Variants in ALS2CL observed in about 807,000 individuals in gnomAD.
ALS2CL encodes ALS2 C-terminal like, also known as ALS2 C-terminal-like protein.
ALS2CL carries 112 observed loss-of-function variants against 127.9 expected under a neutral mutation model. The ratio of observed to expected loss-of-function variants is 0.88; its 90% CI spans 0.75 to 1.02. The LOEUF is 1.02. Among genes scored for constraint, ALS2CL ranks in the 50% least tolerant of loss-of-function variants. ALS2CL has a pLI of 0.00. For synonymous variants in ALS2CL, 519 were observed against 527.6 expected (o/e 0.98, Z 0.22); for missense variants, 1,174 against 1,236.7 (o/e 0.95, Z 0.76).
chr3:46,669,572 C>G lies in ALS2CL; in HGVS notation c.*1412G>C, dbSNP rs1324797339. 1.3e-5 allele frequency: 2 copies of G among 152,276 alleles called. No homozygotes were observed. The highest frequency in any genetic ancestry group is 4.8e-5 in the African/African-American group (2 of 41,460). The allele number at this position is 152,276 out of a possible 1,614,324, so 9.4% of individuals were successfully genotyped here. On this transcript the variant is annotated 3_prime_UTR_variant, in exon 26 of 26. Transcript: ENST00000318962. ...GAATCCTAGTGAGCTGCCCCAGTCC[C>G]GGTAAGCATGAGTGCCTGCATATCC... is the stretch of plus-strand genomic sequence containing the variant.
chr3:46,682,756 T>C (rs1244672631), intron 10 of ALS2CL, among the ~76,000 whole-genome samples: 1 of 152,180 alleles, frequency 6.6e-6, no homozygotes, highest in African/African-American at 2.4e-5. Flanking sequence ...AAGCACTCCA[T>C]ACAGAGCGTC....
At chr3:46,682,206 C>T (rs541116010) in intron 10 of ALS2CL, 112 bp from the exon 11 acceptor site, 44 of 1,137,568 alleles carry the variant, frequency 3.9e-5, no homozygotes, top group Non-Finnish European at 5.0e-5. Context: ...GGGCTCCCTG[C>T]ACCCACCCAG....
In ALS2CL at chr3:46,681,598, G is replaced by A. The variant is rs1455126065; in HGVS notation, c.1176C>T (p.Gly392=). Residue 392 remains glycine, a splice_region_variant and synonymous_variant, in exon 12 of 26, where the codon GGC becomes GGT. Transcript: ENST00000318962. This position sits in a 1 kb window ranked among gnomAD's most constrained non-coding sequence, Gnocchi z 4.9. ...CCTGGGGCAGCAGGCGGATGCCGAA[G>A]CTGACAGCATGGTTGTGGGGGTGGG... The part of the protein sequence containing the change: ...VGNFCQGLEH[G]FGIRLLPQAS... 1.2e-6 allele frequency: 2 copies of A among 1,614,066 alleles called. No individual in the cohort carries two copies. The highest frequency in any genetic ancestry group is 2.2e-5 in the South Asian group (2 of 91,082).
chr3:46,691,072 C>T (rs562896182), intron 1 of ALS2CL, among the ~76,000 whole-genome samples: 1 of 152,304 alleles, frequency 6.6e-6, no homozygotes, highest in East Asian at 1.9e-4. Context: ...GCTTCTTCTC[C>T]CTCTGTGGGC....
At chr3:46,685,689 C>T in intron 6 of ALS2CL, 45 bp from the exon 7 acceptor site, 4 of 1,572,700 alleles carry the variant, frequency 2.5e-6, no homozygotes, top group African/African-American at 2.7e-5. Context: ...CACCTCTGTC[C>T]TGCAAGCTGC....
At chr3:46,682,720 A>G (rs1699448202) in intron 10 of ALS2CL, among the ~76,000 whole-genome samples, 1 of 152,242 alleles carries the variant, frequency 6.6e-6, no homozygotes, top group African/African-American at 2.4e-5. Context: ...ACTAGGCCTC[A>G]GTGTTTGTAC....
At chr3:46,674,232 G>C (rs1033645029) in intron 21 of ALS2CL, among the ~76,000 whole-genome samples, 4 of 152,250 alleles carry the variant, frequency 2.6e-5, no homozygotes, top group African/African-American at 9.6e-5. Context: ...AGCCGAGCCA[G>C]TGAGGGACTT....
Position 46,676,858 on chromosome 3 carries a change from G to A in ALS2CL, c.1922C>T (p.Ser641Phe). The A allele has an allele frequency of 6.2e-7, 1 of 1,613,504 alleles. No homozygotes were observed. The highest frequency in any genetic ancestry group is 8.5e-7 in the Non-Finnish European group (1 of 1,179,950). ...ACACAGCCGGCCTCACCTCTCGCAG[G>A]ACAGGTAATCCTGAGACCTACGCAG... ...RELRRSQDYL[S>F]CERTHPEDSV... Residue 641 changes from serine (S) to phenylalanine (F), a missense_variant, in exon 17 of 26, where the codon TCC becomes TTC. Transcript: ENST00000318962.
rs1280868383 is a variant in ALS2CL, at chr3:46,683,236, A to T, written c.1003T>A (p.Ser335Thr). The change falls in exon 10 of 26, where the codon TCC becomes ACC. Residue 335 changes from serine (S) to threonine (T), a missense_variant. Physicochemically the swap from Ser to Thr is moderately conservative, Grantham distance 58. Transcript: ENST00000318962. Reference sequence around the variant, plus strand: ...GCGCAGCGGCAGTCGGGAGGCTGGGAGGGCTCCAGGCCAGCCCCCAGCACG... The same window carrying T: ...GCGCAGCGGCAGTCGGGAGGCTGGGTGGGCTCCAGGCCAGCCCCCAGCACG... ...FPVLGAGLEP[S>T]QPPDCRCAEY... 1.9e-6 allele frequency: 3 copies of T among 1,609,650 alleles called. No homozygotes were observed. The highest frequency in any genetic ancestry group is 1.7e-4 in the Middle Eastern group (1 of 5,928).
chr3:46,674,466 G>A, intron 21 of ALS2CL, 100 bp downstream of exon 21: 1 of 1,458,348 alleles, frequency 6.9e-7, no homozygotes, highest in Non-Finnish European at 9.3e-7. Context: ...AACTTGGTGG[G>A]TACATGAACC....
At chr3:46,687,743 C>G in intron 3 of ALS2CL, 59 bp from the exon 4 acceptor site, 2 of 1,534,440 alleles carry the variant, frequency 1.3e-6, no homozygotes, top group Non-Finnish European at 1.8e-6. Context: ...ACCTAAGCCC[C>G]TGGTCCCTGG....
chr3:46,670,842 G>T lies in ALS2CL; in HGVS notation c.*142C>A, dbSNP rs1698323994. The T allele has an allele frequency of 2.4e-6, 2 of 838,478 alleles. No homozygotes were observed. The highest frequency in any genetic ancestry group is 2.5e-5 in the East Asian group (1 of 39,410). The allele number at this position is 838,478 out of a possible 1,614,324, so 51.9% of individuals were successfully genotyped here. A position where few individuals can be genotyped will look rare whatever the true frequency, so the allele number is the denominator to read the frequency against. On this transcript the variant is annotated 3_prime_UTR_variant, in exon 26 of 26. Coordinates refer to ENST00000318962, the MANE Select transcript of ALS2CL (RefSeq NM_147129.5). The surrounding 1 kb of genome is among the most constrained non-coding windows in gnomAD (Gnocchi z 5.5). ...CACCCTCATCCCAGTCAGGGCAGCA[G>T]CAGCATCTTCCTGTGCAAAACAAAA... is the stretch of plus-strand genomic sequence containing the variant.
intron 19 of ALS2CL, 36 bp from the exon 20 acceptor site, chr3:46,675,722 C>T: frequency 6.2e-7 from 1 of 1,611,994 alleles, no homozygotes; most frequent in Non-Finnish European, 8.5e-7. Flanking sequence ...TGTGGCTGCC[C>T]CTTGCCACAG....
At chr3:46,690,071 T>A (rs1245046867) in intron 1 of ALS2CL, among the ~76,000 whole-genome samples, 1 of 152,160 alleles carries the variant, frequency 6.6e-6, no homozygotes, top group Admixed American at 6.5e-5. Context: ...GGAGGAACCC[T>A]GAGAGTAAAG....
Position 46,671,530 on chromosome 3 carries a change from G to A in ALS2CL, c.2739C>T (p.Asn913=). The change falls in exon 25 of 26, where the codon AAC becomes AAT. Residue 913 remains asparagine (N), a synonymous_variant. Transcript: ENST00000318962. The part of the protein sequence containing the change: ...IHLIRDMMDP[N]HTGGLYDFLL... ...GGAAGTCATACAGGCCTCCTGTGTG[G>A]TTGGGGTCCATCATGTCACGGATCA... 1 of 1,614,090 alleles carries A rather than the reference G, an allele frequency of 6.2e-7. No individual in the cohort carries two copies. Among genetic ancestry groups the A allele is most frequent in the Non-Finnish European group, 8.5e-7 (1 of 1,180,000 alleles).
Position 46,687,635 on chromosome 3 carries a change from CCTTCT to C in ALS2CL, c.347_351del (p.Gln116ArgfsTer132). The C allele has an allele frequency of 6.2e-7, 1 of 1,613,314 alleles. No individual in the cohort carries two copies. On this transcript the variant is annotated frameshift_variant, in exon 4 of 26. Transcript: ENST00000318962. LOFTEE classifies it high-confidence loss of function. ...TGTGCTCACCTTCTCCTCTTTGCTG[CCTTCT>C]GGAAGGCCTGCACCACCATGCAGCT...
chr3:46,688,397 C>G (rs1003916977), intron 2 of ALS2CL, 101 bp from the exon 3 acceptor site: 1 of 1,159,932 alleles, frequency 8.6e-7, no homozygotes, highest in Admixed American at 2.1e-5. Context: ...CCACCAGCAC[C>G]GGCCAGCCCT....
chr3:46,680,311 A>G, intron 14 of ALS2CL, 119 bp downstream of exon 14: 1 of 1,128,814 alleles, frequency 8.9e-7, no homozygotes, highest in Non-Finnish European at 1.3e-6. Flanking sequence ...GGCTCCCTCC[A>G]GCACCCAGGA....
intron 10 of ALS2CL, among the ~76,000 whole-genome samples, chr3:46,682,873 G>A (rs1318842808): frequency 6.6e-6 from 1 of 152,224 alleles, no homozygotes; most frequent in African/African-American, 2.4e-5. Context: ...GAATGGAATG[G>A]CACCTGCAGG....
Sources: gnomAD v4.1 joint callset for allele counts (sites outside exome capture counted in the v4.1 genomes callset) on GRCh38, gnomAD v4.1.1 for gene constraint, Gnocchi (gnomAD v3.1) non-coding constraint, MANE v1.5 for transcripts, NCBI Gene and HGNC (gene_info 2026-07-23, HGNC 2026-07-21) for gene names.